Variants in TMEM72 observed in about 807,000 individuals in gnomAD.
TMEM72 encodes kidney-specific secretory protein of 37 kDa.
A neutral mutation model predicts 16.3 loss-of-function variants in TMEM72; 9 were observed. The observed-to-expected ratio is 0.55, with a 90% CI of 0.33 to 0.96. The LOEUF is 0.96. Ranked by LOEUF, TMEM72 falls within the 40% of genes least tolerant of loss-of-function variation. TMEM72 has a pLI of 0.03. For synonymous variants in TMEM72, 160 were observed against 146.5 expected (o/e 1.09, Z -0.66); for missense variants, 324 against 337.8 (o/e 0.96, Z 0.32).
At chr10:44,917,806 G>A (rs903148309) in intron 1 of TMEM72, among the ~76,000 whole-genome samples, 3 of 152,168 alleles carry the variant, frequency 2.0e-5, no homozygotes, top group Non-Finnish European at 2.9e-5. Context: ...ATGTGGATGA[G>A]TGAGCAGATG....
At chr10:44,916,250 T>A (rs1441146880) in intron 1 of TMEM72, among the ~76,000 whole-genome samples, 3 of 152,138 alleles carry the variant, frequency 2.0e-5, no homozygotes, top group African/African-American at 7.2e-5. Context: ...ACGTGCTGTT[T>A]CTCACAAATT....
intron 1 of TMEM72, chr10:44,919,909 C>T (rs575790445): frequency 1.4e-3 from 206 of 152,358 alleles, no homozygotes; most frequent in African/African-American, 4.7e-3. Flanking sequence ...AGCTAAGAAG[C>T]CTGTGGCTAC....
intron 2 of TMEM72, among the ~76,000 whole-genome samples, chr10:44,931,326 C>G (rs952346009): frequency 3.9e-5 from 6 of 152,204 alleles, no homozygotes; most frequent in African/African-American, 1.4e-4. Flanking sequence ...TCTACACATT[C>G]CTCAGGAGAT....
At chr10:44,922,365 C>A (rs1254284530) in intron 1 of TMEM72, among the ~76,000 whole-genome samples, 1 of 152,226 alleles carries the variant, frequency 6.6e-6, no homozygotes, top group Admixed American at 6.5e-5. Context: ...ACTTCATGTT[C>A]ACCTCCTGCC....
At chr10:44,911,679 C>A in intron 1 of TMEM72, 97 bp downstream of exon 1, 1 of 1,358,140 alleles carries the variant, frequency 7.4e-7, no homozygotes, top group African/African-American at 1.4e-5. Flanking sequence ...GCAGGCACAT[C>A]TGGCCACTTC....
chr10:44,926,215 G>T (rs1027520107), intron 1 of TMEM72, among the ~76,000 whole-genome samples: 9 of 151,882 alleles, frequency 5.9e-5, no homozygotes, highest in Admixed American at 5.9e-4. Context: ...ACACATACAT[G>T]CACTCACAAG....
chr10:44,912,688 T>C (rs558204187), intron 1 of TMEM72, among the ~76,000 whole-genome samples: 1 of 152,292 alleles, frequency 6.6e-6, no homozygotes, highest in East Asian at 1.9e-4. Context: ...GAACTGAGCA[T>C]GGCTAAGTGG....
intron 1 of TMEM72, among the ~76,000 whole-genome samples, chr10:44,917,929 C>A (rs537814990): frequency 6.6e-6 from 1 of 152,270 alleles, no homozygotes; most frequent in South Asian, 2.1e-4. Flanking sequence ...TTTCACACTG[C>A]TGATAAAGAC....
At chr10:44,926,469 G>A (rs1840195045) in intron 1 of TMEM72, among the ~76,000 whole-genome samples, 2 of 152,304 alleles carry the variant, frequency 1.3e-5, no homozygotes, top group Non-Finnish European at 1.5e-5. Flanking sequence ...GCAACATGGT[G>A]TGGAAGCTCT....
chr10:44,912,540 T>C (rs1190378397), intron 1 of TMEM72, among the ~76,000 whole-genome samples: 3 of 152,176 alleles, frequency 2.0e-5, no homozygotes, highest in Non-Finnish European at 2.9e-5. Flanking sequence ...CAAAATCACA[T>C]AGTGCTTGTT....
At chr10:44,913,412 C>T (rs987083345) in intron 1 of TMEM72, among the ~76,000 whole-genome samples, 8 of 152,106 alleles carry the variant, frequency 5.3e-5, no homozygotes, top group Non-Finnish European at 1.0e-4. Flanking sequence ...TTATCTCAGT[C>T]ACCGGAAGAG....
At chr10:44,934,531 C>A (rs1481584662) in intron 4 of TMEM72, 125 bp from the exon 5 acceptor site, 2 of 954,960 alleles carry the variant, frequency 2.1e-6, no homozygotes, top group Non-Finnish European at 3.0e-6. Flanking sequence ...AGGGCCAGGG[C>A]CACAGGGGCC....
chr10:44,932,829 G>T (rs1840323017), intron 3 of TMEM72, among the ~76,000 whole-genome samples: 1 of 152,214 alleles, frequency 6.6e-6, no homozygotes, highest in Non-Finnish European at 1.5e-5. Context: ...ACCCTGGATG[G>T]ACTCCACCGC....
chr10:44,915,712 G>A (rs551169722), intron 1 of TMEM72, among the ~76,000 whole-genome samples: 1 of 152,200 alleles, frequency 6.6e-6, no homozygotes, highest in African/African-American at 2.4e-5. Flanking sequence ...GAGGACACAC[G>A]TACAGTGAAG....
chr10:44,926,207 A>G (rs1564436208), intron 1 of TMEM72, among the ~76,000 whole-genome samples: 1 of 152,046 alleles, frequency 6.6e-6, no homozygotes, highest in Non-Finnish European at 1.5e-5. Flanking sequence ...ATACACTCAC[A>G]CATACATGCA....
intron 4 of TMEM72, 135 bp downstream of exon 4, chr10:44,933,911 G>A: frequency 8.7e-7 from 1 of 1,153,358 alleles, no homozygotes. Context: ...CTGACCTAGA[G>A]GGTGGACATG....
At chr10:44,926,677 C>T (rs1360995871) in intron 1 of TMEM72, among the ~76,000 whole-genome samples, 6 of 152,166 alleles carry the variant, frequency 3.9e-5, no homozygotes, top group African/African-American at 9.7e-5. Context: ...TGAAGCACAG[C>T]GGAGCCCCAG....
In TMEM72 at chr10:44,932,090, C is replaced by T. The variant is rs576163362; in HGVS notation, c.209+21C>T. The T allele has an allele frequency of 5.0e-6, 8 of 1,609,542 alleles. No individual in the cohort carries two copies. The African/African-American group carries it at 1.1e-4, about 21-fold the overall frequency. On this transcript the variant is annotated intron_variant, in intron 3 of 4. Transcript: ENST00000389583. Reference sequence around the variant, plus strand: ...TTCCAGTAAGTAGTTTCCAGAGAGACCCCTCCATTGTCCACCCCAGCCCCA... The same window carrying T: ...TTCCAGTAAGTAGTTTCCAGAGAGATCCCTCCATTGTCCACCCCAGCCCCA...
Position 44,927,941 on chromosome 10 carries a change from G to C in TMEM72, c.91G>C (p.Glu31Gln). 1 of 1,613,880 alleles carries C rather than the reference G, an allele frequency of 6.2e-7. No homozygotes were observed. The highest frequency in any genetic ancestry group is 1.7e-5 in the Admixed American group (1 of 60,012). The change falls in exon 2 of 5, where the codon GAG becomes CAG. Residue 31 changes from glutamate to glutamine, a missense_variant. Coordinates refer to ENST00000389583, the MANE Select transcript of TMEM72 (RefSeq NM_001123376.3). ...CTTAGTGTTGATCGGCGTGGGCACT[G>C]AGACCTTCCTCCAGGGCCAGTTCAA... Reference protein sequence around the residue: ...TAAVLIGVGTETFLQGQFKSL... With the variant: ...TAAVLIGVGTQTFLQGQFKSL...
Sources: gnomAD v4.1 joint callset for allele counts (sites outside exome capture counted in the v4.1 genomes callset) on GRCh38, gnomAD v4.1.1 for gene constraint, MANE v1.5 for transcripts, NCBI Gene and HGNC (gene_info 2026-07-23, HGNC 2026-07-21) for gene names.